Variants in CNPY3 observed in about 807,000 individuals in gnomAD.
CNPY3 encodes protein canopy homolog 3.
In CNPY3, 20 loss-of-function variants were observed where a neutral mutation model predicts 32.0. The ratio of observed to expected loss-of-function variants is 0.63; its 90% CI spans 0.44 to 0.91. The LOEUF (loss-of-function observed/expected upper bound fraction) is 0.91. Among genes scored for constraint, CNPY3 ranks in the 40% least tolerant of loss-of-function variants. CNPY3 has a pLI of 0.00. For synonymous variants in CNPY3, 138 were observed against 142.9 expected (o/e 0.97, Z 0.24); for missense variants, 299 against 340.8 (o/e 0.88, Z 0.97).
At position 42,938,617 on chromosome 6, in the gene CNPY3, G is replaced by A. The variant is rs537322844; in HGVS notation, c.663G>A (p.Leu221=). 1 of 1,608,604 alleles carries A rather than the reference G, an allele frequency of 6.2e-7. No homozygotes were observed. Among genetic ancestry groups the A allele is most frequent in the Non-Finnish European group, 8.5e-7 (1 of 1,177,388 alleles). ...GCAAGAAGGGAGACACAGCTGCCCT[G>A]GGAGGGAAGAAGTCCAAGAAGAAGA... ...WSGKKGDTAA[L]GGKKSKKKSS... is the part of the protein sequence containing the mutation. Residue 221 remains leucine (L), a synonymous_variant, in exon 6 of 6, where the codon CTG becomes CTA. Coordinates refer to ENST00000372836, the MANE Select transcript of CNPY3 (RefSeq NM_006586.5).
chr6:42,937,958 C>A, intron 4 of CNPY3, 119 bp downstream of exon 4: 1 of 1,483,760 alleles, frequency 6.7e-7, no homozygotes, highest in Non-Finnish European at 9.3e-7. Context: ...CATTTCACCT[C>A]TCTGGCCTCA....
chr6:42,938,912 T>C lies in CNPY3; in HGVS notation c.*121T>C, dbSNP rs1014922602. 3 of 1,433,164 alleles carry C rather than the reference T, an allele frequency of 2.1e-6. No homozygotes were observed. The highest frequency in any genetic ancestry group is 2.8e-6 in the Non-Finnish European group (3 of 1,089,006). The allele number at this position is 1,433,164 out of a possible 1,614,324, so 88.8% of individuals were successfully genotyped here. A position where few individuals can be genotyped will look rare whatever the true frequency, so the allele number is the denominator to read the frequency against. Reference sequence around the variant, plus strand: ...GCCCCTCCTTGCCTTGGCTGTGCCCTCTTCTGCCAAGGAAAGACACAAGCC... The same window carrying C: ...GCCCCTCCTTGCCTTGGCTGTGCCCCCTTCTGCCAAGGAAAGACACAAGCC... On this transcript the variant is annotated 3_prime_UTR_variant, in exon 6 of 6. Coordinates refer to ENST00000372836, the MANE Select transcript of CNPY3 (RefSeq NM_006586.5).
intron 5 of CNPY3, 124 bp downstream of exon 5, chr6:42,938,331 G>T (rs759940191): frequency 2.6e-5 from 22 of 850,734 alleles, no homozygotes; most frequent in South Asian, 1.6e-4. Context: ...CCCTTGAAAG[G>T]CTTGATTGGC....
Position 42,929,493 on chromosome 6 carries a change from C to T in CNPY3, c.-78C>T, listed in dbSNP as rs1020060572. On this transcript the variant is annotated 5_prime_UTR_variant, in exon 1 of 6. Coordinates refer to ENST00000372836, the MANE Select transcript of CNPY3 (RefSeq NM_006586.5). ...GGAGGCACGTGTGCAGTCCCGGAAGCGGCGAGGGGAAACTGCTCCGCGCGC... is the reference window on the plus strand; with the variant it reads ...GGAGGCACGTGTGCAGTCCCGGAAGTGGCGAGGGGAAACTGCTCCGCGCGC... 3 of 1,431,174 alleles carry T rather than the reference C, an allele frequency of 2.1e-6. No individual in the cohort carries two copies. Among genetic ancestry groups the T allele is most frequent in the Non-Finnish European group, 1.9e-6 (2 of 1,073,984 alleles). 88.7% of individuals were successfully genotyped at this position (1,431,174 alleles called of 1,614,324 possible).
chr6:42,935,096 G>A (rs2114170624), intron 2 of CNPY3, among the ~76,000 whole-genome samples: 1 of 152,248 alleles, frequency 6.6e-6, no homozygotes, highest in South Asian at 2.1e-4. Context: ...TCGAACTCCT[G>A]ACCTGAGATG....
chr6:42,934,249 C>G (rs1768050151), intron 1 of CNPY3, among the ~76,000 whole-genome samples: 1 of 152,100 alleles, frequency 6.6e-6, no homozygotes, highest in African/African-American at 2.4e-5. Context: ...AATAGAAATC[C>G]TAGAGGCATT....
chr6:42,934,343 C>G (rs1768057571), intron 1 of CNPY3, 132 bp from the exon 2 acceptor site: 1 of 1,090,872 alleles, frequency 9.2e-7, no homozygotes, highest in African/African-American at 1.5e-5. Context: ...GTTCTAACTC[C>G]TTCCCTGCCT....
rs770354202 is a variant in CNPY3, at chr6:42,935,605, A to G, written c.307A>G (p.Ile103Val). ...DLRLIEVTET[I>V]CKRLLDYSLH... Reference sequence around the variant, plus strand: ...GCGGTTAATCGAAGTCACTGAGACCATTTGCAAGAGGCTCCTGGATTATAG... The same window carrying G: ...GCGGTTAATCGAAGTCACTGAGACCGTTTGCAAGAGGCTCCTGGATTATAG... The change falls in exon 3 of 6, where the codon ATT becomes GTT. Residue 103 changes from isoleucine to valine, a missense_variant. Transcript: ENST00000372836. 7.4e-6 allele frequency: 12 copies of G among 1,612,082 alleles called. No homozygotes were observed. In the East Asian group the frequency reaches 1.1e-4, roughly 15 times the overall value.
Position 42,935,632 on chromosome 6 carries a change from C to T in CNPY3, c.334C>T (p.Leu112=). The T allele has an allele frequency of 1.2e-6, 2 of 1,612,504 alleles. No homozygotes were observed. The highest frequency in any genetic ancestry group is 1.7e-5 in the Admixed American group (1 of 59,964). ...TICKRLLDYS[L]HKERTGSNRF... ...TTGCAAGAGGCTCCTGGATTATAGC[C>T]TGCACAAGGAGAGGACCGGCAGCAA... Residue 112 remains leucine, a synonymous_variant, in exon 3 of 6, where the codon CTG becomes TTG. Coordinates refer to ENST00000372836, the MANE Select transcript of CNPY3 (RefSeq NM_006586.5).
Position 42,929,700 on chromosome 6 carries a change from C to G in CNPY3, c.130C>G (p.Arg44Gly). ...QAGAEENDWV[R>G]LPSKCEVCKY... ...CGGAGCTGAGGAGAACGACTGGGTT[C>G]GCCTGCCCAGCAAATGCGAAGGTGA... Residue 44 changes from arginine to glycine, a missense_variant, in exon 1 of 6, where the codon CGC becomes GGC. Around this residue, in one of 2 missense-constraint regions of CNPY3, gnomAD observed 88 missense variants for 62.5 expected, o/e 1.41. Coordinates refer to ENST00000372836, the MANE Select transcript of CNPY3 (RefSeq NM_006586.5). 1 of 1,548,438 alleles carries G rather than the reference C, an allele frequency of 6.5e-7. No individual in the cohort carries two copies. Among genetic ancestry groups the G allele is most frequent in the Non-Finnish European group, 8.7e-7 (1 of 1,145,432 alleles).
At chr6:42,932,680 G>C (rs182826102) in intron 1 of CNPY3, among the ~76,000 whole-genome samples, 1 of 152,224 alleles carries the variant, frequency 6.6e-6, no homozygotes, top group East Asian at 1.9e-4. Flanking sequence ...AAGAGGGGAG[G>C]GAGCCCAGAT....
In CNPY3 at chr6:42,938,951, A is replaced by G; in HGVS notation, c.*160A>G. ...AAGACACAAGCCCCAGGAAGAACTC[A>G]GAGCCGTCATGGGTAGCCCACGCCG... On this transcript the variant is annotated 3_prime_UTR_variant, in exon 6 of 6. Transcript: ENST00000372836. 1 of 1,420,340 alleles carries G rather than the reference A, an allele frequency of 7.0e-7. No individual in the cohort carries two copies. The highest frequency in any genetic ancestry group is 9.2e-7 in the Non-Finnish European group (1 of 1,083,868). The allele number at this position is 1,420,340 out of a possible 1,614,324, so 88.0% of individuals were successfully genotyped here. A position where few individuals can be genotyped will look rare whatever the true frequency, so the allele number is the denominator to read the frequency against.
At position 42,934,566 on chromosome 6, in the gene CNPY3, C is replaced by T. The variant is rs751837391; in HGVS notation, c.243C>T (p.Asp81=). ...EVIGTGYGIL[D]QKASGVKYTK... The stretch of plus-strand genomic sequence containing the variant: ...TTGGCACGGGCTATGGCATCCTGGA[C>T]CAGAAGGCCTCTGGAGTCAAATACA... Residue 81 remains aspartate (D), a synonymous_variant, in exon 2 of 6, where the codon GAC becomes GAT. Transcript: ENST00000372836. The T allele has an allele frequency of 6.2e-7, 1 of 1,613,942 alleles. No homozygotes were observed. Among genetic ancestry groups the T allele is most frequent in the Admixed American group, 1.7e-5 (1 of 59,984 alleles).
At chr6:42,932,358 G>T (rs1041985806) in intron 1 of CNPY3, among the ~76,000 whole-genome samples, 1 of 152,202 alleles carries the variant, frequency 6.6e-6, no homozygotes, top group Non-Finnish European at 1.5e-5. Flanking sequence ...CTGCCTCCTG[G>T]CTCAGTAGCC....
chr6:42,937,954 A>C (rs1581717849), intron 4 of CNPY3, 115 bp downstream of exon 4: 3 of 1,491,432 alleles, frequency 2.0e-6, no homozygotes, highest in Non-Finnish European at 2.8e-6. Context: ...AGGTCATTTC[A>C]CCTCTCTGGC....
chr6:42,937,967 C>T (rs1768350862), intron 4 of CNPY3, 123 bp from the exon 5 acceptor site: 2 of 1,471,242 alleles, frequency 1.4e-6, no homozygotes, highest in Non-Finnish European at 1.9e-6. Flanking sequence ...TCTCTGGCCT[C>T]AGTTTCCTTA....
In CNPY3 at chr6:42,929,619, T is replaced by TTGCTGCTGC. The variant is rs570105218; in HGVS notation, c.68_76dup (p.Leu23_Leu25dup). On this transcript the variant is annotated inframe_insertion, in exon 1 of 6. Transcript: ENST00000372836. ...GTCCCGCTGTCTTCTGCTTCTTCCCTTGCTGCTGCTGCTGCTGCTGCTGCT... is the reference window on the plus strand; with the variant it reads ...GTCCCGCTGTCTTCTGCTTCTTCCCTTGCTGCTGCTGCTGCTGCTGCTGCTGCTGCTGCT... The TTGCTGCTGC allele has an allele frequency of 2.9e-5, 45 of 1,560,470 alleles. No individual in the cohort carries two copies. Among genetic ancestry groups the TTGCTGCTGC allele is most frequent in the Admixed American group, 3.8e-5 (2 of 51,960 alleles).
At chr6:42,933,771 T>C (rs1017158841) in intron 1 of CNPY3, among the ~76,000 whole-genome samples, 6 of 152,220 alleles carry the variant, frequency 3.9e-5, no homozygotes, top group African/African-American at 1.4e-4. Context: ...ATATTATAAT[T>C]ATATATTGAA....
intron 1 of CNPY3, among the ~76,000 whole-genome samples, chr6:42,931,226 GC>G (rs749134122): frequency 1.8e-5 from 2 of 109,304 alleles, no homozygotes; most frequent in Non-Finnish European, 3.4e-5. Flanking sequence ...AGTCCTGATA[GC>G]TTTTTTTTTT....
Sources: allele counts gnomAD v4.1 joint callset (sites outside exome capture counted in the v4.1 genomes callset), GRCh38; gene constraint gnomAD v4.1.1; regional missense constraint gnomAD v4.1.1; transcripts MANE v1.5; gene names NCBI Gene and HGNC (gene_info 2026-07-23, HGNC 2026-07-21).